Variants in RTTN observed in about 807,000 individuals in gnomAD.
The protein encoded by RTTN is rotatin.
RTTN carries 182 observed loss-of-function variants against 269.2 expected under a neutral mutation model. The ratio of observed to expected loss-of-function variants is 0.68; its 90% CI spans 0.60 to 0.76. RTTN has a LOEUF of 0.76. RTTN is among the 30% of genes least tolerant of loss of function. The pLI is 0.00. For synonymous variants in RTTN, 1,006 were observed against 963.5 expected, an observed-to-expected ratio of 1.04 and a Z score of -0.82; for missense variants, 2,545 against 2,608.6, an observed-to-expected ratio of 0.98 and a Z score of 0.53.
Position 70,020,771 on chromosome 18 carries a change from T to A in RTTN, c.5997A>T (p.Gln1999His), listed in dbSNP as rs755485132. The change falls in exon 45 of 49, where the codon CAA (glutamine) becomes CAT (histidine). Residue 1999 changes from glutamine (Q) to histidine (H), a missense_variant. Physicochemically the swap from Gln to His is conservative, Grantham distance 24. Transcript: ENST00000640769. Reference protein sequence around the residue: ...CWSSCGQHPVQATHRGAVSNS... With the variant: ...CWSSCGQHPVHATHRGAVSNS... ...TGCTCACGGCTCCTCTATGTGTAGC[T>A]TGAACAGGGTGTTGTCCACAACTTG... The A allele has an allele frequency of 6.2e-7, 1 of 1,613,984 alleles. No individual in the cohort carries two copies.
intron 42 of RTTN, among the ~76,000 whole-genome samples, chr18:70,029,198 A>G (rs1018499012): frequency 6.6e-6 from 1 of 151,664 alleles, no homozygotes; most frequent in Non-Finnish European, 1.5e-5. Context: ...TAAACATACA[A>G]TCAATCTCCT....
At position 70,150,679 on chromosome 18, in the gene RTTN, T is replaced by C. The variant is rs761286113; in HGVS notation, c.1984A>G (p.Ile662Val). 2 of 1,611,010 alleles carry C rather than the reference T, an allele frequency of 1.2e-6. No individual in the cohort carries two copies. The highest frequency in any genetic ancestry group is 8.5e-7 in the Non-Finnish European group (1 of 1,177,450). ...TKPVSSLCNG[I>V]HFLLHPKVLY... Reference sequence around the variant, plus strand: ...ACTTTTGGATGAAGTAGAAAATGAATTCCATTGCAAAGTGAAGACACGGGT... The same window carrying C: ...ACTTTTGGATGAAGTAGAAAATGAACTCCATTGCAAAGTGAAGACACGGGT... The change falls in exon 15 of 49, where the codon ATT becomes GTT. Residue 662 changes from isoleucine to valine, a missense_variant. Ile to Val is a conservative substitution (Grantham distance 29, BLOSUM62 3). Transcript: ENST00000640769.
At chr18:70,165,424 C>A (rs964862636) in intron 14 of RTTN, among the ~76,000 whole-genome samples, 1 of 151,736 alleles carries the variant, frequency 6.6e-6, no homozygotes, top group African/African-American at 2.4e-5. Flanking sequence ...AAAGAAGCTT[C>A]CTCTATAACT....
chr18:70,042,943 G>A (rs920396925), intron 40 of RTTN, among the ~76,000 whole-genome samples: 4 of 152,196 alleles, frequency 2.6e-5, no homozygotes, highest in Admixed American at 2.6e-4. Context: ...ACAGCATGCA[G>A]GATGCAGGAG....
intron 26 of RTTN, among the ~76,000 whole-genome samples, chr18:70,120,616 T>C (rs1346378504): frequency 6.6e-6 from 1 of 152,138 alleles, no homozygotes; most frequent in East Asian, 1.9e-4. Flanking sequence ...CTTAGCTAAG[T>C]TGAGTAAATT....
intron 14 of RTTN, among the ~76,000 whole-genome samples, chr18:70,153,550 C>G (rs1219826079): frequency 1.1e-4 from 17 of 152,044 alleles, no homozygotes; most frequent in Admixed American, 1.1e-3. Flanking sequence ...ACCTCTTTAC[C>G]ATACCGTCCT....
chr18:70,110,626 C>A (rs957907621), intron 27 of RTTN, among the ~76,000 whole-genome samples: 2 of 152,160 alleles, frequency 1.3e-5, no homozygotes, highest in African/African-American at 4.8e-5. Context: ...CAAAACTGGG[C>A]GGCCATTTGG....
At chr18:70,049,767 GATTA>G (rs2057603681) in intron 39 of RTTN, among the ~76,000 whole-genome samples, 1 of 152,020 alleles carries the variant, frequency 6.6e-6, no homozygotes, top group South Asian at 2.1e-4. Flanking sequence ...AAAAATTAAA[GATTA>G]GTTATTTTAA....
intron 14 of RTTN, among the ~76,000 whole-genome samples, chr18:70,152,174 GT>G (rs1407622626): frequency 1.3e-5 from 2 of 151,276 alleles, no homozygotes; most frequent in African/African-American, 4.8e-5. Context: ...TCTCTCAGTA[GT>G]TGATCCTATC....
chr18:70,110,578 T>C (rs2059438048), intron 27 of RTTN, among the ~76,000 whole-genome samples: 1 of 152,150 alleles, frequency 6.6e-6, no homozygotes, highest in Admixed American at 6.5e-5. Context: ...GGAGATTCCC[T>C]CGGTTGCCTA....
In RTTN at chr18:70,195,389, T is replaced by C. The variant is rs574914253; in HGVS notation, c.841+1112A>G. Among the ~76,000 whole-genome samples, 352 of 152,244 alleles carry C rather than the reference T, an allele frequency of 2.3e-3. 1 individual carries two copies. Among genetic ancestry groups the C allele is most frequent in the African/African-American group, 8.1e-3 (338 of 41,530 alleles). On this transcript the variant is annotated intron_variant, in intron 7 of 48. Transcript: ENST00000640769. ...ACCCTTTTTATTTCCTTCAAGTACT[T>C]CTCCTTATCTCAAGCAAACTTGATT...
chr18:70,010,446 C>T (rs1161104908), intron 46 of RTTN, among the ~76,000 whole-genome samples: 2 of 152,204 alleles, frequency 1.3e-5, no homozygotes, highest in Middle Eastern at 6.3e-3. Context: ...CTCAAAACCA[C>T]ACAACTACAT....
intron 32 of RTTN, among the ~76,000 whole-genome samples, chr18:70,076,738 G>A (rs1389829755): frequency 6.6e-6 from 1 of 151,952 alleles, no homozygotes; most frequent in Non-Finnish European, 1.5e-5. Context: ...GGTGGTCACT[G>A]TCGTTATTTT....
intron 26 of RTTN, among the ~76,000 whole-genome samples, chr18:70,118,930 C>T (rs1003436113): frequency 1.3e-5 from 2 of 151,900 alleles, no homozygotes; most frequent in South Asian, 4.1e-4. Flanking sequence ...GAAAAGGAAT[C>T]CCAACACAAT....
At chr18:70,035,093 T>C (rs998125627) in intron 40 of RTTN, among the ~76,000 whole-genome samples, 1 of 152,210 alleles carries the variant, frequency 6.6e-6, no homozygotes, top group Admixed American at 6.5e-5. Context: ...AAACATTCCA[T>C]GAACATGGCT....
chr18:70,073,957 A>G lies in RTTN; in HGVS notation c.4602T>C (p.Ser1534=). The G allele has an allele frequency of 6.2e-7, 1 of 1,612,044 alleles. No homozygotes were observed. Among genetic ancestry groups the G allele is most frequent in the Non-Finnish European group, 8.5e-7 (1 of 1,178,518 alleles). The change falls in exon 34 of 49, where the codon TCT becomes TCC. Residue 1534 remains serine, a synonymous_variant. Coordinates refer to ENST00000640769, the MANE Select transcript of RTTN (RefSeq NM_173630.4). ...TTGGATCTCGATCCTGACTTGTCCT[A>G]GATGGAGCCCTCCAAAACTTGAATG... ...DDSFKFWRAP[S]RTSQDRDPSS...
At chr18:70,116,241 A>T (rs1044014408) in intron 26 of RTTN, among the ~76,000 whole-genome samples, 1 of 152,068 alleles carries the variant, frequency 6.6e-6, no homozygotes, top group Admixed American at 6.6e-5. Flanking sequence ...CGCAAACTCC[A>T]TCTTGTAAAA....
chr18:70,114,072 G>C (rs929610446), intron 27 of RTTN, among the ~76,000 whole-genome samples: 6 of 152,140 alleles, frequency 3.9e-5, no homozygotes, highest in African/African-American at 1.4e-4. Flanking sequence ...TTAAAAAACA[G>C]AATTCATAAC....
At chr18:70,051,034 T>C (rs1344507084) in intron 39 of RTTN, among the ~76,000 whole-genome samples, 1 of 152,144 alleles carries the variant, frequency 6.6e-6, no homozygotes, top group Non-Finnish European at 1.5e-5. Flanking sequence ...TGTATTCCTA[T>C]GTAAAAAACC....
Sources: allele counts gnomAD v4.1 joint callset (sites outside exome capture counted in the v4.1 genomes callset), GRCh38; gene constraint gnomAD v4.1.1; transcripts MANE v1.5; gene names NCBI Gene and HGNC (gene_info 2026-07-23, HGNC 2026-07-21).